Variants in GABRG3 observed in about 807,000 individuals in gnomAD.
GABRG3 encodes the protein gamma-aminobutyric acid type A receptor subunit gamma3, also known as gamma-aminobutyric acid receptor subunit gamma-3.
Under a neutral mutation model 48.8 loss-of-function variants are expected in GABRG3, and 25 were observed. The ratio of observed to expected loss-of-function variants is 0.51; its 90% CI spans 0.37 to 0.72. GABRG3 has a LOEUF of 0.72. GABRG3 is among the 30% of genes least tolerant of loss of function. GABRG3 has a pLI of 0.00. For synonymous variants in GABRG3, 227 were observed against 217.6 expected (o/e 1.04, Z -0.38); for missense variants, 394 against 577.9 (o/e 0.68, Z 3.26).
intron 5 of GABRG3, among the ~76,000 whole-genome samples, chr15:27,443,205 G>C (rs1246606582): frequency 6.6e-6 from 1 of 152,188 alleles, no homozygotes; most frequent in Non-Finnish European, 1.5e-5. Context: ...AAGACCCTGT[G>C]AGGACCTAGG....
At chr15:27,475,232 A>T (rs772437054) in intron 5 of GABRG3, among the ~76,000 whole-genome samples, 8 of 152,146 alleles carry the variant, frequency 5.3e-5, no homozygotes, top group African/African-American at 1.7e-4. Context: ...GATGGACACT[A>T]GAGTCATACA....
chr15:27,028,394 G>A (rs2140683952), intron 3 of GABRG3, among the ~76,000 whole-genome samples: 1 of 152,298 alleles, frequency 6.6e-6, no homozygotes, highest in South Asian at 2.1e-4. Context: ...CCAAGGCCCT[G>A]AAGCTGCAGT....
chr15:27,083,344 G>GT lies in GABRG3; in HGVS notation c.270+56523_270+56524insT, dbSNP rs1897021631. Among the ~76,000 whole-genome samples the GT allele has an allele frequency of 4.8e-5, 4 of 83,180 alleles. No individual in the cohort carries two copies. In the Admixed American group the frequency reaches 4.8e-4, roughly 10 times the overall value. 54.6% of individuals were successfully genotyped at this position (83,180 alleles called of 152,430 possible). A position where few individuals can be genotyped will look rare whatever the true frequency, so the allele number is the denominator to read the frequency against. On this transcript the variant is annotated intron_variant, in intron 3 of 9. Coordinates refer to ENST00000615808, the MANE Select transcript of GABRG3 (RefSeq NM_033223.5). ...GGATTCTTGAAAAGTAAGAGCTATT[G>GT]ATTTTTTTTTTTTTTTTGAGTTCTG...
At chr15:27,199,060 G>A (rs1336408397) in intron 3 of GABRG3, among the ~76,000 whole-genome samples, 1 of 151,976 alleles carries the variant, frequency 6.6e-6, no homozygotes, top group East Asian at 1.9e-4. Flanking sequence ...TGGGTTGATG[G>A]GTGCAGCAAA....
At chr15:27,100,121 G>T (rs1167173880) in intron 3 of GABRG3, among the ~76,000 whole-genome samples, 2 of 151,690 alleles carry the variant, frequency 1.3e-5, no homozygotes, top group African/African-American at 2.4e-5. Context: ...GGGAGGCTGA[G>T]GCAGGAGAAT....
chr15:27,067,567 C>CT (rs960724479), intron 3 of GABRG3, among the ~76,000 whole-genome samples: 29 of 152,318 alleles, frequency 1.9e-4, no homozygotes, highest in African/African-American at 7.0e-4. Flanking sequence ...CAGAGTGCCC[C>CT]TGTGGGCCAG....
At chr15:27,480,856 C>T (rs2150845064) in intron 6 of GABRG3, 69 bp downstream of exon 6, 1 of 1,565,052 alleles carries the variant, frequency 6.4e-7, no homozygotes, top group Middle Eastern at 1.7e-4. Flanking sequence ...GTAGTCATAT[C>T]CTTAATGTAC....
chr15:27,317,002 C>G (rs1893254176), intron 3 of GABRG3, among the ~76,000 whole-genome samples: 1 of 152,304 alleles, frequency 6.6e-6, no homozygotes, highest in East Asian at 1.9e-4. Flanking sequence ...TTTGCTAAGC[C>G]TAATCCCTGA....
intron 5 of GABRG3, among the ~76,000 whole-genome samples, chr15:27,392,956 C>T (rs556605081): frequency 2.8e-4 from 43 of 152,274 alleles, no homozygotes; most frequent in Middle Eastern, 3.4e-3. Context: ...TCTGGCATTT[C>T]AAGATATTCC....
At chr15:26,993,525 CTT>C (rs1030672166) in intron 2 of GABRG3, among the ~76,000 whole-genome samples, 20 of 152,042 alleles carry the variant, frequency 1.3e-4, no homozygotes, top group African/African-American at 4.1e-4. Flanking sequence ...CAAAATTCCT[CTT>C]GTTATTATAG....
intron 6 of GABRG3, among the ~76,000 whole-genome samples, chr15:27,500,010 C>T (rs1183470706): frequency 6.6e-6 from 1 of 152,188 alleles, no homozygotes; most frequent in Non-Finnish European, 1.5e-5. Context: ...AAAAGAGGGT[C>T]AGTGTCTGGA....
In GABRG3 at chr15:27,478,277, C is replaced by T. The variant is rs188010617; in HGVS notation, c.575-2373C>T. ...CATATATCTGATAAAGGACTTGTAC[C>T]CAAAATATACAAATAACTCTTAAAA... On this transcript the variant is annotated intron_variant, in intron 5 of 9. Coordinates refer to ENST00000615808, the MANE Select transcript of GABRG3 (RefSeq NM_033223.5). 5.8e-3 allele frequency among the ~76,000 whole-genome samples: 882 copies of T among 152,014 alleles called. 4 individuals carry two copies. Among genetic ancestry groups the T allele is most frequent in the Non-Finnish European group, 9.1e-3 (619 of 67,982 alleles).
chr15:27,105,966 C>T (rs1347574057), intron 3 of GABRG3, among the ~76,000 whole-genome samples: 2 of 152,068 alleles, frequency 1.3e-5, no homozygotes, highest in Admixed American at 1.3e-4. Flanking sequence ...GAGATCCTGC[C>T]ATTTGCCACA....
intron 6 of GABRG3, among the ~76,000 whole-genome samples, chr15:27,497,558 T>A (rs1287385508): frequency 6.6e-6 from 1 of 152,240 alleles, no homozygotes; most frequent in Non-Finnish European, 1.5e-5. Context: ...CTAAATTTCT[T>A]TATTCTTAAA....
chr15:27,269,912 G>C lies in GABRG3; in HGVS notation c.271-56897G>C, dbSNP rs182145254. Among the ~76,000 whole-genome samples, 729 of 152,100 alleles carry C rather than the reference G, an allele frequency of 4.8e-3. 9 individuals are homozygous for C. Among genetic ancestry groups the C allele is most frequent in the African/African-American group, 0.017 (691 of 41,494 alleles). ...CTATATTAAGTTTTAAGAATCTTGG[G>C]AAATATTTTACTAATATAAACTAAT... On this transcript the variant is annotated intron_variant, in intron 3 of 9. Coordinates refer to ENST00000615808, the MANE Select transcript of GABRG3 (RefSeq NM_033223.5).
At chr15:27,335,479 T>C (rs537179785) in intron 5 of GABRG3, among the ~76,000 whole-genome samples, 1 of 152,354 alleles carries the variant, frequency 6.6e-6, no homozygotes, top group African/African-American at 2.4e-5. Flanking sequence ...TGATTTGCAT[T>C]TCCCTAATGA....
At chr15:27,069,061 G>A (rs925772522) in intron 3 of GABRG3, among the ~76,000 whole-genome samples, 1 of 152,148 alleles carries the variant, frequency 6.6e-6, no homozygotes, top group South Asian at 2.1e-4. Context: ...CTAAGAGAAG[G>A]CATGTTTACG....
At chr15:27,070,446 C>G (rs1896809392) in intron 3 of GABRG3, among the ~76,000 whole-genome samples, 1 of 152,160 alleles carries the variant, frequency 6.6e-6, no homozygotes, top group African/African-American at 2.4e-5. Context: ...TCCAACTGCA[C>G]TCCACGTATG....
intron 3 of GABRG3, among the ~76,000 whole-genome samples, chr15:27,234,929 T>C (rs1046029868): frequency 2.0e-5 from 3 of 152,154 alleles, no homozygotes; most frequent in African/African-American, 7.2e-5. Flanking sequence ...AGGGGGTTGC[T>C]GTCAGGGTGG....
Sources: gnomAD v4.1 joint callset for allele counts (sites outside exome capture counted in the v4.1 genomes callset) on GRCh38, gnomAD v4.1.1 for gene constraint, MANE v1.5 for transcripts, NCBI Gene and HGNC (gene_info 2026-07-23, HGNC 2026-07-21) for gene names.